GNL1: variants seen among roughly 807,000 people sequenced by gnomAD.
GNL1 encodes G protein nucleolar 1.
In GNL1, 21 loss-of-function variants were observed where a neutral mutation model predicts 75.2. The ratio of observed to expected loss-of-function variants is 0.28; its 90% confidence interval spans 0.20 to 0.40. GNL1 has a LOEUF of 0.40. GNL1 is among the 10% of genes least tolerant of loss of function. The pLI is 1.00. For synonymous variants in GNL1, 287 were observed against 303.4 expected, an observed-to-expected ratio of 0.95 and a Z score of 0.56; for missense variants, 579 against 775.0, an observed-to-expected ratio of 0.75 and a Z score of 3.00.
Position 30,555,760 on chromosome 6 carries a change from T to A in GNL1, c.74-40A>T. On this transcript the variant is annotated intron_variant, in intron 1 of 11. Transcript: ENST00000376621. The surrounding 1 kb of genome is among the most constrained non-coding windows in gnomAD (Gnocchi z 4.3). ...CGGTGACGCCAGTGCTGGCCAGCTC[T>A]CAGGGGCCATAAGACCCTCTCCCCC... The A allele has an allele frequency of 6.2e-7, 1 of 1,601,738 alleles. No homozygotes were observed. The highest frequency in any genetic ancestry group is 8.5e-7 in the Non-Finnish European group (1 of 1,171,654).
chr6:30,548,546 C>G lies in GNL1; in HGVS notation c.1100-1016G>C, dbSNP rs1799577491. On this transcript the variant is annotated intron_variant, in intron 8 of 11. Transcript: ENST00000376621. The surrounding 1 kb of genome is among the most constrained non-coding windows in gnomAD (Gnocchi z 4.2). The stretch of plus-strand genomic sequence containing the variant: ...TCCTCAATTTCCTTCTTACTTGACT[C>G]AGATTTCATGATCCAGCTCCTCAGC... Among the ~76,000 whole-genome samples the G allele has an allele frequency of 6.6e-6, 1 of 152,172 alleles. No individual in the cohort carries two copies.
At chr6:30,554,231 A>G (rs1799989350) in intron 5 of GNL1, among the ~76,000 whole-genome samples, 1 of 152,122 alleles carries the variant, frequency 6.6e-6, no homozygotes, top group South Asian at 2.1e-4. Context: ...AGTGCTAGAG[A>G]AATGAGATAA....
rs757866378 is a variant in GNL1, at chr6:30,553,164, C to T, written c.824G>A (p.Arg275Gln). The change falls in exon 7 of 12, where the codon CGG (arginine) becomes CAG (glutamine). Residue 275 changes from arginine (R) to glutamine (Q), a missense_variant. Arg to Gln is a conservative substitution (Grantham distance 43). Transcript: ENST00000376621. ...QDPSSVLKKSRRRGRGWTRAL... is the reference protein window; with the variant it reads ...QDPSSVLKKSQRRGRGWTRAL... ...CCGAGTCCATCCTCTCCCCCGCCTC[C>T]GACTCTTCTTCAAGACTGAGATCAG... is the stretch of plus-strand genomic sequence containing the variant. 1.9e-6 allele frequency: 3 copies of T among 1,612,942 alleles called. No individual in the cohort carries two copies. Among genetic ancestry groups the T allele is most frequent in the Non-Finnish European group, 1.7e-6 (2 of 1,178,922 alleles).
At chr6:30,554,352 C>T (rs1040172755) in intron 5 of GNL1, among the ~76,000 whole-genome samples, 1 of 152,154 alleles carries the variant, frequency 6.6e-6, no homozygotes, top group Admixed American at 6.5e-5. Context: ...AGCTAAAGGA[C>T]AGGACATGGC....
rs1330717258 is a variant in GNL1, at chr6:30,541,751, C to A, written c.*4321G>T. On this transcript the variant is annotated 3_prime_UTR_variant, in exon 12 of 12. Transcript: ENST00000376621. Reference sequence around the variant, plus strand: ...AATTTATAATTTTTACTGCATATTGCAGTTACTCGTATATTACTGACACTG... The same window carrying A: ...AATTTATAATTTTTACTGCATATTGAAGTTACTCGTATATTACTGACACTG... 6.6e-6 allele frequency: 1 copy of A among 152,172 alleles called. No homozygotes were observed. Among genetic ancestry groups the A allele is most frequent in the African/African-American group, 2.4e-5 (1 of 41,420 alleles). The allele number at this position is 152,172 out of a possible 1,614,324, so 9.4% of individuals were successfully genotyped here. A position where few individuals can be genotyped will look rare whatever the true frequency, so the allele number is the denominator to read the frequency against.
In GNL1 at chr6:30,543,998, G is replaced by A. The variant is rs1046745120; in HGVS notation, c.*2074C>T. The A allele has an allele frequency of 6.6e-6, 1 of 152,290 alleles. No homozygotes were observed. Among genetic ancestry groups the A allele is most frequent in the Non-Finnish European group, 1.5e-5 (1 of 68,090 alleles). 9.4% of individuals were successfully genotyped at this position (152,290 alleles called of 1,614,324 possible). ...CCCAGACAAGAGGGTGCGTATTTCA[G>A]CGTGGAGGGGAGACTGGGCCCTTGG... is the stretch of plus-strand genomic sequence containing the variant. On this transcript the variant is annotated 3_prime_UTR_variant, in exon 12 of 12. Transcript: ENST00000376621.
In GNL1 at chr6:30,552,857, G is replaced by T. The variant is rs1452060577; in HGVS notation, c.905-196C>A. ...CCTGGAATCACGCACGTTTCTCTGAGCTTCTGAAAAGTACTGGGAAGGCTA... is the reference window on the plus strand; with the variant it reads ...CCTGGAATCACGCACGTTTCTCTGATCTTCTGAAAAGTACTGGGAAGGCTA... On this transcript the variant is annotated intron_variant, in intron 7 of 11. Coordinates refer to ENST00000376621, the MANE Select transcript of GNL1 (RefSeq NM_005275.5). The surrounding 1 kb of genome is among the most constrained non-coding windows in gnomAD (Gnocchi z 4.5). Among the ~76,000 whole-genome samples, 1 of 152,182 alleles carries T rather than the reference G, an allele frequency of 6.6e-6. No homozygotes were observed. Among genetic ancestry groups the T allele is most frequent in the Non-Finnish European group, 1.5e-5 (1 of 68,032 alleles).
chr6:30,546,189 C>T lies in GNL1; in HGVS notation c.1707G>A (p.Glu569=), dbSNP rs1378263424. ...ELSSSCEEEG[E]EDRDADEEGE... ...CCTCCTCATCCGCATCCCGGTCCTCCTCTCCCTCCTCCTCACAGGAGCTGC... is the reference window on the plus strand; with the variant it reads ...CCTCCTCATCCGCATCCCGGTCCTCTTCTCCCTCCTCCTCACAGGAGCTGC... Residue 569 remains glutamate, a synonymous_variant, in exon 12 of 12, where the codon GAG becomes GAA. Coordinates refer to ENST00000376621, the MANE Select transcript of GNL1 (RefSeq NM_005275.5). This position sits in a 1 kb window ranked among gnomAD's most constrained non-coding sequence, Gnocchi z 5.1. 1 of 1,545,984 alleles carries T rather than the reference C, an allele frequency of 6.5e-7. No individual in the cohort carries two copies. The highest frequency in any genetic ancestry group is 8.8e-7 in the Non-Finnish European group (1 of 1,136,408).
intron 8 of GNL1, among the ~76,000 whole-genome samples, chr6:30,551,083 C>T (rs1799747710): frequency 6.6e-6 from 1 of 152,206 alleles, no homozygotes; most frequent in African/African-American, 2.4e-5. Flanking sequence ...CAGTATGTCC[C>T]ATCCCTAGAA....
chr6:30,554,865 G>C lies in GNL1; in HGVS notation c.427C>G (p.Gln143Glu), dbSNP rs771448499. The C allele has an allele frequency of 1.1e-5, 17 of 1,612,136 alleles. No individual in the cohort carries two copies. The Admixed American group carries it at 1.7e-4, about 16-fold the overall frequency. Residue 143 changes from glutamine (Q) to glutamate (E), a missense_variant, in exon 4 of 12, where the codon CAA becomes GAA. By Grantham distance (29) the Gln-to-Glu change is conservative (BLOSUM62 2). Coordinates refer to ENST00000376621, the MANE Select transcript of GNL1 (RefSeq NM_005275.5). The part of the protein sequence containing the change: ...PPWSYEMSKE[Q>E]LMSQEERSFQ... ...CTCCGTTCCTCTTGGCTCATTAGTT[G>C]CTCCTTGGACATCTCATAGCTCCAA... is the stretch of plus-strand genomic sequence containing the variant.
Position 30,555,923 on chromosome 6 carries a change from C to G in GNL1, c.74-203G>C. 1.3e-6 allele frequency: 1 copy of G among 798,312 alleles called. No individual in the cohort carries two copies. Among genetic ancestry groups the G allele is most frequent in the Non-Finnish European group, 2.0e-6 (1 of 501,224 alleles). The allele number at this position is 798,312 out of a possible 1,614,324, so 49.5% of individuals were successfully genotyped here. On this transcript the variant is annotated intron_variant, in intron 1 of 11. Coordinates refer to ENST00000376621, the MANE Select transcript of GNL1 (RefSeq NM_005275.5). The surrounding 1 kb of genome is among the most constrained non-coding windows in gnomAD (Gnocchi z 4.3). ...CAGTGGGGACGGCGCCCCGTGCTAG[C>G]TGGAGGGATTCCCCTCCCCCAACTC...
At position 30,556,167 on chromosome 6, in the gene GNL1, T is replaced by G; in HGVS notation, c.37A>C (p.Lys13Gln). The G allele has an allele frequency of 6.2e-7, 1 of 1,605,720 alleles. No homozygotes were observed. Residue 13 changes from lysine (K) to glutamine (Q), a missense_variant, in exon 1 of 12, where the codon AAG becomes CAG. By Grantham distance (53) the Lys-to-Gln change is moderately conservative. Transcript: ENST00000376621. This position sits in a 1 kb window ranked among gnomAD's most constrained non-coding sequence, Gnocchi z 5.7. ...RKKPFSVKQK[K>Q]KQLQDKRERK... ...TCCCGTTTGTCCTGCAACTGCTTCT[T>G]CTTCTGCTTCACGCTGAATGGCTTC...
chr6:30,552,397 C>T lies in GNL1; in HGVS notation c.1099+70G>A, dbSNP rs1582507162. 3 of 1,344,242 alleles carry T rather than the reference C, an allele frequency of 2.2e-6. No homozygotes were observed. The Middle Eastern group carries it at 5.6e-4, about 253-fold the overall frequency. The allele number at this position is 1,344,242 out of a possible 1,614,324, so 83.3% of individuals were successfully genotyped here. A position where few individuals can be genotyped will look rare whatever the true frequency, so the allele number is the denominator to read the frequency against. ...GGGCCTAATGAGACCTGATCGCCCTCTCTCTTCTCCGAATATGAAAACTCT... is the reference window on the plus strand; with the variant it reads ...GGGCCTAATGAGACCTGATCGCCCTTTCTCTTCTCCGAATATGAAAACTCT... On this transcript the variant is annotated intron_variant, in intron 8 of 11. Coordinates refer to ENST00000376621, the MANE Select transcript of GNL1 (RefSeq NM_005275.5). This position sits in a 1 kb window ranked among gnomAD's most constrained non-coding sequence, Gnocchi z 4.5.
Position 30,555,487 on chromosome 6 carries a change from CT to C in GNL1, c.239+67del. ...CACCGTCTTCACCAGTAGCAGCCCG[CT>C]TTCCCCCAAAGCTCTGACTTCCGGG... On this transcript the variant is annotated intron_variant, in intron 2 of 11. Coordinates refer to ENST00000376621, the MANE Select transcript of GNL1 (RefSeq NM_005275.5). The surrounding 1 kb of genome is among the most constrained non-coding windows in gnomAD (Gnocchi z 4.3). The C allele has an allele frequency of 2.0e-6, 3 of 1,481,616 alleles. No individual in the cohort carries two copies. The highest frequency in any genetic ancestry group is 2.8e-6 in the Non-Finnish European group (3 of 1,081,382). 91.8% of individuals were successfully genotyped at this position (1,481,616 alleles called of 1,614,324 possible). A position where few individuals can be genotyped will look rare whatever the true frequency, so the allele number is the denominator to read the frequency against.
rs774515413 is a variant in GNL1, at chr6:30,556,180, G to A, written c.24C>T (p.Ser8=). The A allele has an allele frequency of 8.7e-6, 14 of 1,605,296 alleles. No individual in the cohort carries two copies. In the Admixed American group the frequency reaches 2.2e-4, roughly 25 times the overall value. Residue 8 remains serine (S), a synonymous_variant, in exon 1 of 12, where the codon AGC becomes AGT. Transcript: ENST00000376621. This position sits in a 1 kb window ranked among gnomAD's most constrained non-coding sequence, Gnocchi z 5.7. The stretch of plus-strand genomic sequence containing the variant: ...GCAACTGCTTCTTCTTCTGCTTCAC[G>A]CTGAATGGCTTCTTCCTCGGCATGG... MPRKKPF[S]VKQKKKQLQD... is the part of the protein sequence containing the mutation.
chr6:30,551,158 G>A (rs1020539353), intron 8 of GNL1, among the ~76,000 whole-genome samples: 1 of 152,148 alleles, frequency 6.6e-6, no homozygotes, highest in Non-Finnish European at 1.5e-5. Context: ...GAGAGCTGGA[G>A]GGAAATCCAA....
chr6:30,549,176 T>C (rs1799622447), intron 8 of GNL1, among the ~76,000 whole-genome samples: 1 of 152,098 alleles, frequency 6.6e-6, no homozygotes, highest in Non-Finnish European at 1.5e-5. Flanking sequence ...TTTTTGTATT[T>C]TTAGTAGAGA....
Position 30,553,443 on chromosome 6 carries a change from T to C in GNL1, c.715A>G (p.Lys239Glu). The change falls in exon 6 of 12, where the codon AAG becomes GAG. Residue 239 changes from lysine to glutamate, a missense_variant. Lys to Glu is a moderately conservative substitution (Grantham distance 56). Coordinates refer to ENST00000376621, the MANE Select transcript of GNL1 (RefSeq NM_005275.5). ...GGATAGTGTTGATGGAAATAATGCT[T>C]CCAGGCAACCACAAGAGCTGGCGGG... ...LAPPALVVAW[K>E]HYFHQHYPQL... 6.2e-7 allele frequency: 1 copy of C among 1,612,970 alleles called. No individual in the cohort carries two copies. Among genetic ancestry groups the C allele is most frequent in the Admixed American group, 1.7e-5 (1 of 60,014 alleles).
At position 30,556,015 on chromosome 6, in the gene GNL1, G is replaced by A; in HGVS notation, c.73+116C>T. On this transcript the variant is annotated intron_variant, in intron 1 of 11. Coordinates refer to ENST00000376621, the MANE Select transcript of GNL1 (RefSeq NM_005275.5). The surrounding 1 kb of genome is among the most constrained non-coding windows in gnomAD (Gnocchi z 5.7). ...GATCCCCTCCGCGATAGGCCGCGAG[G>A]GTTGACGCGGTCCCACGACCCCCTC... The A allele has an allele frequency of 6.2e-6, 8 of 1,280,882 alleles. No individual in the cohort carries two copies. The highest frequency in any genetic ancestry group is 8.8e-6 in the Non-Finnish European group (8 of 904,416). 79.3% of individuals were successfully genotyped at this position (1,280,882 alleles called of 1,614,324 possible). A position where few individuals can be genotyped will look rare whatever the true frequency, so the allele number is the denominator to read the frequency against.
Sources: allele counts gnomAD v4.1 joint callset (sites outside exome capture counted in the v4.1 genomes callset), GRCh38; gene constraint gnomAD v4.1.1; non-coding constraint Gnocchi (gnomAD v3.1); transcripts MANE v1.5; gene names NCBI Gene and HGNC (gene_info 2026-07-23, HGNC 2026-07-21).